DNM1: variants seen among roughly 807,000 people sequenced by gnomAD.
DNM1 encodes dynamin-1.
In DNM1, 29 loss-of-function variants were observed where a neutral mutation model predicts 104.6. That is an observed-to-expected ratio of 0.28 (90% CI 0.21 to 0.38). The LOEUF is 0.38. Among genes scored for constraint, DNM1 ranks in the 10% least tolerant of loss-of-function variants. DNM1 has a pLI of 1.00. For synonymous variants in DNM1, 445 were observed against 475.8 expected, an observed-to-expected ratio of 0.94 and a Z score of 0.84; for missense variants, 640 against 1,189.4, an observed-to-expected ratio of 0.54 and a Z score of 6.79.
intron 1 of DNM1, among the ~76,000 whole-genome samples, chr9:128,217,229 G>A (rs572868137): frequency 1.3e-5 from 2 of 152,324 alleles, no homozygotes; most frequent in East Asian, 1.9e-4. Flanking sequence ...TCACTGCAGA[G>A]TCAAATATAT....
At chr9:128,219,956 G>A (rs1834845945) in intron 4 of DNM1, 32 bp from the exon 5 acceptor site, 1 of 1,515,358 alleles carries the variant, frequency 6.6e-7, no homozygotes, top group Non-Finnish European at 8.9e-7. Flanking sequence ...AGCGGGTGCA[G>A]CTGTAGACGG....
In DNM1 at chr9:128,203,665, G is replaced by A. The variant is rs1430980579; in HGVS notation, c.161+34G>A. Reference sequence around the variant, plus strand: ...GGCGCGCCCCCAGGCGCCGACCCCCGACCCCCGGGATCCCTGGAGTCCCCG... The same window carrying A: ...GGCGCGCCCCCAGGCGCCGACCCCCAACCCCCGGGATCCCTGGAGTCCCCG... On this transcript the variant is annotated intron_variant, in intron 1 of 21. Coordinates refer to ENST00000372923, the MANE Select transcript of DNM1 (RefSeq NM_004408.4). The surrounding 1 kb of genome is among the most constrained non-coding windows in gnomAD (Gnocchi z 5.3). The A allele has an allele frequency of 2.0e-6, 3 of 1,483,946 alleles. No individual in the cohort carries two copies. The highest frequency in any genetic ancestry group is 2.7e-6 in the Non-Finnish European group (3 of 1,123,834). 91.9% of individuals were successfully genotyped at this position (1,483,946 alleles called of 1,614,324 possible).
chr9:128,246,063 G>A (rs1836788572), intron 15 of DNM1, among the ~76,000 whole-genome samples: 2 of 152,344 alleles, frequency 1.3e-5, no homozygotes, highest in Admixed American at 1.3e-4. Context: ...GGGTGAGAGA[G>A]GCCTGAGTGT....
At chr9:128,251,460 C>G in intron 21 of DNM1, 1 of 263,742 alleles carries the variant, frequency 3.8e-6, no homozygotes, top group East Asian at 1.3e-4. Context: ...CACTGGCCCA[C>G]AGGAGCAGAG....
rs964177691 is a variant in DNM1 at position 128,222,113 on chromosome 9, C to T, written c.850-84C>T. ...CCCTCCATAGCTCTCCACCTCACCA[C>T]GTTCACACAGTCCCCTGGCATCCAA... is the stretch of plus-strand genomic sequence containing the variant. On this transcript the variant is annotated intron_variant, in intron 6 of 21. Transcript: ENST00000372923. This position sits in a 1 kb window ranked among gnomAD's most constrained non-coding sequence, Gnocchi z 7.8. 11 of 1,513,168 alleles carry T rather than the reference C, an allele frequency of 7.3e-6. No homozygotes were observed. Among genetic ancestry groups the T allele is most frequent in the South Asian group, 3.9e-5 (3 of 77,136 alleles). 93.7% of individuals were successfully genotyped at this position (1,513,168 alleles called of 1,614,324 possible). A position where few individuals can be genotyped will look rare whatever the true frequency, so the allele number is the denominator to read the frequency against.
Position 128,250,769 on chromosome 9 carries a change from T to C in DNM1, c.2363T>C (p.Val788Ala). ...SPTPQRRAPA[V>A]PPARPGSRGP... is the part of the protein sequence containing the mutation. ...ACGCCGCAGCGCCGAGCCCCCGCCGTGCCCCCAGCCCGGCCCGGGTCGCGG... is the reference window on the plus strand; with the variant it reads ...ACGCCGCAGCGCCGAGCCCCCGCCGCGCCCCCAGCCCGGCCCGGGTCGCGG... The change falls in exon 21 of 22, where the codon GTG becomes GCG. Residue 788 changes from valine (V) to alanine (A), a missense_variant. Physicochemically the swap from Val to Ala is moderately conservative, Grantham distance 64. This residue lies in a region of DNM1 where 129 missense variants were observed against 224.6 expected (regional missense o/e 0.57). Transcript: ENST00000372923. The C allele has an allele frequency of 7.1e-7, 1 of 1,413,016 alleles. No homozygotes were observed. Among genetic ancestry groups the C allele is most frequent in the Non-Finnish European group, 9.2e-7 (1 of 1,088,644 alleles). 87.5% of individuals were successfully genotyped at this position (1,413,016 alleles called of 1,614,324 possible).
intron 11 of DNM1, chr9:128,234,975 T>G (rs946819899): frequency 6.6e-6 from 1 of 151,656 alleles, no homozygotes; most frequent in Non-Finnish European, 1.5e-5. Context: ...ATATTTTTGG[T>G]AGAGATGGGA....
At position 128,246,719 on chromosome 9, in the gene DNM1, T is replaced by C. The variant is rs200444247; in HGVS notation, c.1781+216T>C. Among the ~76,000 whole-genome samples, 8,789 of 137,304 alleles carry C rather than the reference T, an allele frequency of 0.064. 385 individuals carry two copies. The highest frequency in any genetic ancestry group is 0.21 in the East Asian group (930 of 4,390). 90.1% of individuals were successfully genotyped at this position (137,304 alleles called of 152,430 possible). On this transcript the variant is annotated intron_variant, in intron 16 of 21. Transcript: ENST00000372923. ...CCCTTCCCTCCTCCTTCCCTCCCTC[T>C]TTTCCTTCCTCCCTTCCTTCCTTCC...
chr9:128,222,710 C>G lies in DNM1; in HGVS notation c.1129-83C>G, dbSNP rs537053166. 801 of 1,601,714 alleles carry G rather than the reference C, an allele frequency of 5.0e-4. 4 individuals are homozygous for G. In the African/African-American group the frequency reaches 1.0e-2, roughly 20 times the overall value. ...CACCCCACAGGCCCTGATGCCCAGC[C>G]CTAGGTGTGGGGTGGGCCCTGTCTT... On this transcript the variant is annotated intron_variant, in intron 8 of 21. Transcript: ENST00000372923. The surrounding 1 kb of genome is among the most constrained non-coding windows in gnomAD (Gnocchi z 7.8).
chr9:128,224,138 AG>A lies in DNM1; in HGVS notation c.1197-112del. 2 of 1,339,978 alleles carry A rather than the reference AG, an allele frequency of 1.5e-6. No individual in the cohort carries two copies. The highest frequency in any genetic ancestry group is 2.0e-6 in the Non-Finnish European group (2 of 991,476). The allele number at this position is 1,339,978 out of a possible 1,614,324, so 83.0% of individuals were successfully genotyped here. A position where few individuals can be genotyped will look rare whatever the true frequency, so the allele number is the denominator to read the frequency against. ...GGGACACTGAGGCCCAGAGAGGGGTAGTGGAAGGGCCCCTCAGGCAGAGTTC... is the reference window on the plus strand; with the variant it reads ...GGGACACTGAGGCCCAGAGAGGGGTATGGAAGGGCCCCTCAGGCAGAGTTC... On this transcript the variant is annotated intron_variant, in intron 9 of 21. Coordinates refer to ENST00000372923, the MANE Select transcript of DNM1 (RefSeq NM_004408.4). The surrounding 1 kb of genome is among the most constrained non-coding windows in gnomAD (Gnocchi z 4.3).
Position 128,248,288 on chromosome 9 carries a change from C to T in DNM1, c.1906-295C>T. ...GCAATGAGCCAATACAGCACCACTG[C>T]ACTCCAGCCTGGGTGACAAAGCAAG... On this transcript the variant is annotated intron_variant, in intron 18 of 21. Transcript: ENST00000372923. This position sits in a 1 kb window ranked among gnomAD's most constrained non-coding sequence, Gnocchi z 5.6. 2.0e-6 allele frequency: 1 copy of T among 488,372 alleles called. No individual in the cohort carries two copies. The allele number at this position is 488,372 out of a possible 1,614,324, so 30.3% of individuals were successfully genotyped here. A position where few individuals can be genotyped will look rare whatever the true frequency, so the allele number is the denominator to read the frequency against.
rs750296552 is a variant in DNM1, at chr9:128,234,043, G to A, written c.1358G>A (p.Arg453Gln). Residue 453 changes from arginine to glutamine, a missense_variant, in exon 11 of 22, where the codon CGG becomes CAG. By Grantham distance (43) the Arg-to-Gln change is conservative. Coordinates refer to ENST00000372923, the MANE Select transcript of DNM1 (RefSeq NM_004408.4). ...TKKLQQYPRLREEMERIVTTH... is the reference protein window; with the variant it reads ...TKKLQQYPRLQEEMERIVTTH... ...CAGCTCCAGCAGTACCCGCGGCTAC[G>A]GGAGGAGATGGAGCGCATCGTGACC... The A allele has an allele frequency of 9.5e-6, 15 of 1,575,700 alleles. No homozygotes were observed. The highest frequency in any genetic ancestry group is 3.5e-5 in the South Asian group (3 of 85,582).
Position 128,244,308 on chromosome 9 carries a change from G to T in DNM1, c.1671+1963G>T, listed in dbSNP as rs1588439365. ...ACATGGGTGTGAGATTGAAAGTGTGGGGGTGCTCATGTGTGTGAGTTCTGG... is the reference window on the plus strand; with the variant it reads ...ACATGGGTGTGAGATTGAAAGTGTGTGGGTGCTCATGTGTGTGAGTTCTGG... On this transcript the variant is annotated intron_variant, in intron 15 of 21. Transcript: ENST00000372923. Among the ~76,000 whole-genome samples the T allele has an allele frequency of 2.6e-5, 4 of 151,844 alleles. No homozygotes were observed. The East Asian group carries it at 7.7e-4, about 29-fold the overall frequency.
At position 128,254,668 on chromosome 9, in the gene DNM1, C is replaced by G; in HGVS notation, c.2549C>G (p.Ala850Gly). The change falls in exon 22 of 22, where the codon GCA becomes GGA. Residue 850 changes from alanine to glycine, a missense_variant. By Grantham distance (60) the Ala-to-Gly change is moderately conservative. Transcript: ENST00000372923. This position sits in a 1 kb window ranked among gnomAD's most constrained non-coding sequence, Gnocchi z 6.1. ...CCAACTGCCAGCCGATCGGGTCAGG[C>G]AAGTCCATCCCGTCCTGAGAGCCCC... The part of the protein sequence containing the change: ...PPGVPSRSGQ[A>G]SPSRPESPRP... 6.3e-7 allele frequency: 1 copy of G among 1,596,290 alleles called. No individual in the cohort carries two copies. The highest frequency in any genetic ancestry group is 1.1e-5 in the South Asian group (1 of 90,978).
intron 1 of DNM1, among the ~76,000 whole-genome samples, chr9:128,209,380 G>A (rs1032554107): frequency 2.0e-5 from 3 of 152,156 alleles, no homozygotes; most frequent in African/African-American, 7.2e-5. Context: ...CCAGGGAAGG[G>A]GGTGCAGGTG....
At chr9:128,232,638 G>T (rs1414586481) in intron 10 of DNM1, 1 of 152,800 alleles carries the variant, frequency 6.5e-6, no homozygotes, top group Non-Finnish European at 1.5e-5. Flanking sequence ...CCCACCTGAA[G>T]GGCCTGACCC....
At chr9:128,211,404 A>G (rs1457755293) in intron 1 of DNM1, among the ~76,000 whole-genome samples, 2 of 150,442 alleles carry the variant, frequency 1.3e-5, no homozygotes, top group African/African-American at 4.9e-5. Flanking sequence ...TGGGAAAAAT[A>G]GGGCCGTGCC....
intron 15 of DNM1, among the ~76,000 whole-genome samples, chr9:128,244,498 G>C (rs1372030934): frequency 6.6e-6 from 1 of 151,912 alleles, no homozygotes; most frequent in Non-Finnish European, 1.5e-5. Flanking sequence ...TGGGCAGACC[G>C]GCGGCTGCCC....
rs1836703892 is a variant in DNM1 at position 128,245,177 on chromosome 9, C to T, written c.1672-1217C>T. 6.0e-6 allele frequency: 1 copy of T among 166,906 alleles called. No homozygotes were observed. The allele number at this position is 166,906 out of a possible 1,614,324, so 10.3% of individuals were successfully genotyped here. On this transcript the variant is annotated intron_variant, in intron 15 of 21. Coordinates refer to ENST00000372923, the MANE Select transcript of DNM1 (RefSeq NM_004408.4). The surrounding 1 kb of genome is among the most constrained non-coding windows in gnomAD (Gnocchi z 5.2). ...TCCCTGGCCGTGTGTGCAACTTCCT[C>T]CTCTCCTCCCCCAGCCGCCCTCTGG...
Sources: gnomAD v4.1 joint callset for allele counts (sites outside exome capture counted in the v4.1 genomes callset) on GRCh38, gnomAD v4.1.1 for gene constraint, gnomAD v4.1.1 regional missense constraint, Gnocchi (gnomAD v3.1) non-coding constraint, MANE v1.5 for transcripts, NCBI Gene and HGNC (gene_info 2026-07-23, HGNC 2026-07-21) for gene names.